RHOBTB3: variants seen among roughly 807,000 people sequenced by gnomAD.
The protein encoded by RHOBTB3 is rho-related BTB domain-containing protein 3.
A neutral mutation model predicts 67.2 loss-of-function variants in RHOBTB3; 47 were observed. That is an observed-to-expected ratio of 0.70 (90% CI 0.55 to 0.89). RHOBTB3 has a LOEUF of 0.89. RHOBTB3 is among the 40% of genes least tolerant of loss of function. The pLI is 0.00. For missense variants in RHOBTB3, 631 were observed against 750.0 expected (o/e 0.84, Z 1.85); for synonymous variants, 273 against 274.2 (o/e 1.00, Z 0.04).
intron 4 of RHOBTB3, among the ~76,000 whole-genome samples, chr5:95,749,362 A>G (rs1745023442): frequency 6.6e-6 from 1 of 152,254 alleles, no homozygotes; most frequent in Admixed American, 6.5e-5. Flanking sequence ...GAGGTTCCAC[A>G]GATGACTACA....
At chr5:95,732,428 T>A in intron 2 of RHOBTB3, 1 of 539,452 alleles carries the variant, frequency 1.9e-6, no homozygotes. Context: ...AGTGTTTTTT[T>A]ATGTCTACCC....
upstream of RHOBTB3, among the ~76,000 whole-genome samples, chr5:95,729,831 T>C (rs1157639347): frequency 6.6e-6 from 1 of 152,236 alleles, no homozygotes; most frequent in Non-Finnish European, 1.5e-5. Context: ...ATCCATGTTG[T>C]AGTTTATGAA....
intron 2 of RHOBTB3, among the ~76,000 whole-genome samples, chr5:95,733,921 C>T (rs1007483762): frequency 6.6e-6 from 1 of 152,218 alleles, no homozygotes; most frequent in Admixed American, 6.5e-5. Flanking sequence ...CAGATTCCCA[C>T]ATTGCCATTT....
intron 6 of RHOBTB3, 155 bp downstream of exon 6, chr5:95,755,916 A>G (rs1482945848): frequency 1.3e-5 from 9 of 714,322 alleles, no homozygotes; most frequent in East Asian, 2.7e-5. Flanking sequence ...CTTTATATAT[A>G]AGAATTGGTC....
At chr5:95,745,826 T>G (rs1312477140) in intron 3 of RHOBTB3, among the ~76,000 whole-genome samples, 1 of 152,132 alleles carries the variant, frequency 6.6e-6, no homozygotes, top group Non-Finnish European at 1.5e-5. Context: ...TAAATTAATT[T>G]AATTTAGAAT....
upstream of RHOBTB3, among the ~76,000 whole-genome samples, chr5:95,729,329 G>A (rs939153331): frequency 3.3e-5 from 5 of 152,078 alleles, no homozygotes; most frequent in African/African-American, 1.2e-4. Context: ...TGTACCTTGG[G>A]ATCTCCTATG....
intron 11 of RHOBTB3, among the ~76,000 whole-genome samples, chr5:95,790,750 G>A (rs896186292): frequency 6.6e-5 from 10 of 152,324 alleles, no homozygotes; most frequent in Admixed American, 2.0e-4. Flanking sequence ...GGAAAAAAGC[G>A]CCTTTTGGAT....
chr5:95,755,705 T>G lies in RHOBTB3; in HGVS notation c.992T>G (p.Val331Gly). 1 of 1,614,124 alleles carries G rather than the reference T, an allele frequency of 6.2e-7. No homozygotes were observed. The highest frequency in any genetic ancestry group is 8.5e-7 in the Non-Finnish European group (1 of 1,180,010). ...SSGNPPLRVIVKDALFCSCLS... is the reference protein window; with the variant it reads ...SSGNPPLRVIGKDALFCSCLS... ...GGCAACCCACCATTACGAGTCATTG[T>G]TAAAGACGCCCTCTTCTGTTCTTGT... Residue 331 changes from valine (V) to glycine (G), a missense_variant, in exon 6 of 12, where the codon GTT becomes GGT. By Grantham distance (109) the Val-to-Gly change is moderately radical. Coordinates refer to ENST00000379982, the MANE Select transcript of RHOBTB3 (RefSeq NM_014899.4).
chr5:95,751,783 T>G (rs1745098161), intron 4 of RHOBTB3, among the ~76,000 whole-genome samples: 1 of 152,174 alleles, frequency 6.6e-6, no homozygotes, highest in African/African-American at 2.4e-5. Flanking sequence ...AGTGAGAACA[T>G]GTGGTATTTG....
Position 95,755,407 on chromosome 5 carries a change from G to T in RHOBTB3, c.694G>T (p.Val232Phe). The T allele has an allele frequency of 1.3e-6, 2 of 1,544,398 alleles. No homozygotes were observed. The highest frequency in any genetic ancestry group is 1.7e-6 in the Non-Finnish European group (2 of 1,148,436). ...PQLEQPEKMP[V>F]LKAEASHYNS... ...CTTTTTCAAAACAGAAAAAATGCCT[G>T]TCTTAAAGGCTGAAGCGTCACATTA... The change falls in exon 6 of 12, where the codon GTC becomes TTC. Residue 232 changes from valine to phenylalanine, a missense_variant. By Grantham distance (50) the Val-to-Phe change is conservative (BLOSUM62 -1). Transcript: ENST00000379982.
At chr5:95,722,796 T>A (rs545896465) in intron 1 of RHOBTB3, among the ~76,000 whole-genome samples, 1 of 152,212 alleles carries the variant, frequency 6.6e-6, no homozygotes, top group East Asian at 1.9e-4. Flanking sequence ...AAGAGTCTTA[T>A]CGCTTTTCAA....
In RHOBTB3 at chr5:95,722,627, C is replaced by T. The variant is rs557310280; in HGVS notation, n.133+4862C>T. Reference sequence around the variant, plus strand: ...GCCTCAGCCTCCCAAGTAGCTGGGACTACAGGCTCCCGCCACCATGCCCGG... The same window carrying T: ...GCCTCAGCCTCCCAAGTAGCTGGGATTACAGGCTCCCGCCACCATGCCCGG... On this transcript the variant is annotated intron_variant and non_coding_transcript_variant, in intron 1 of 5. Transcript: ENST00000504949. Among the ~76,000 whole-genome samples, 40 of 152,218 alleles carry T rather than the reference C, an allele frequency of 2.6e-4. No homozygotes were observed. In the South Asian group the frequency reaches 8.3e-3, roughly 32 times the overall value.
chr5:95,752,306 G>A lies in RHOBTB3; in HGVS notation c.638G>A (p.Ser213Asn). The A allele has an allele frequency of 6.2e-7, 1 of 1,607,696 alleles. No homozygotes were observed. Residue 213 changes from serine (S) to asparagine (N), a missense_variant, in exon 5 of 12, where the codon AGC becomes AAC. By Grantham distance (46) the Ser-to-Asn change is conservative. Transcript: ENST00000379982. Reference sequence around the variant, plus strand: ...GAAAAAATGAAGAAAAGAAAAATGAGCAACTCCTTTCATGGAATTAGACCA... The same window carrying A: ...GAAAAAATGAAGAAAAGAAAAATGAACAACTCCTTTCATGGAATTAGACCA... ...TSEKMKKRKM[S>N]NSFHGIRPPQ...
intron 7 of RHOBTB3, among the ~76,000 whole-genome samples, chr5:95,764,662 A>C (rs551425073): frequency 2.0e-5 from 3 of 152,322 alleles, no homozygotes; most frequent in Admixed American, 2.0e-4. Flanking sequence ...TAGCGGAGTA[A>C]AGGTATATAT....
chr5:95,748,298 T>A, intron 3 of RHOBTB3, 35 bp from the exon 4 acceptor site: 1 of 1,543,338 alleles, frequency 6.5e-7, no homozygotes, highest in Non-Finnish European at 8.8e-7. Flanking sequence ...CCTGTTTAAT[T>A]TCGAAACTCT....
intron 8 of RHOBTB3, among the ~76,000 whole-genome samples, chr5:95,775,696 A>AT (rs1561453413): frequency 6.6e-6 from 1 of 152,022 alleles, no homozygotes; most frequent in Non-Finnish European, 1.5e-5. Flanking sequence ...ACTCTGAAAA[A>AT]TGAATGTCTA....
intron 8 of RHOBTB3, among the ~76,000 whole-genome samples, chr5:95,778,417 A>C (rs1318440279): frequency 6.7e-6 from 1 of 148,930 alleles, no homozygotes; most frequent in Non-Finnish European, 1.5e-5. Flanking sequence ...TTTTTTTCTG[A>C]ATATTTTCCA....
intron 2 of RHOBTB3, 57 bp downstream of exon 2, chr5:95,732,141 TTCCCCC>T (rs755193697): frequency 1.2e-5 from 18 of 1,509,008 alleles, no homozygotes; most frequent in African/African-American, 4.1e-5. Context: ...TTCCTTTTTT[TTCCCCC>T]TCCCCCTTCT....
intron 2 of RHOBTB3, among the ~76,000 whole-genome samples, chr5:95,736,455 A>G (rs1481857636): frequency 6.6e-6 from 1 of 152,242 alleles, no homozygotes; most frequent in Non-Finnish European, 1.5e-5. Flanking sequence ...AATGTATTGC[A>G]GTTCAGAACA....
Sources: allele counts gnomAD v4.1 joint callset (sites outside exome capture counted in the v4.1 genomes callset), GRCh38; gene constraint gnomAD v4.1.1; transcripts MANE v1.5; gene names NCBI Gene and HGNC (gene_info 2026-07-23, HGNC 2026-07-21).